The following BICRAL variants were observed in gnomAD, a reference collection of about 807,000 sequenced individuals.
BICRAL encodes the protein BICRA like chromatin remodeling complex associated protein, also known as BRD4-interacting chromatin-remodeling complex-associated protein-like.
BICRAL carries 8 observed loss-of-function variants against 91.8 expected under a neutral mutation model. That is an observed-to-expected ratio of 0.09 (90% CI 0.05 to 0.16). The LOEUF (loss-of-function observed/expected upper bound fraction) is 0.16, where lower values mean the gene tolerates loss of function less well. Among genes scored for constraint, BICRAL ranks in the 10% least tolerant of loss-of-function variants. BICRAL has a pLI of 1.00. For synonymous variants in BICRAL, 445 were observed against 491.1 expected (o/e 0.91, Z 1.24); for missense variants, 1,038 against 1,310.9 (o/e 0.79, Z 3.21).
intron 1 of BICRAL, among the ~76,000 whole-genome samples, chr6:42,809,629 C>G (rs1285319029): frequency 6.6e-6 from 1 of 151,686 alleles, no homozygotes; most frequent in Non-Finnish European, 1.5e-5. Context: ...CCCAAGCCAC[C>G]ATGCCCAGCT....
chr6:42,845,195 GT>G lies in BICRAL; in HGVS notation c.1840-6844del, dbSNP rs748804344. On this transcript the variant is annotated intron_variant, in intron 6 of 12. Transcript: ENST00000314073. ...CTTCTCTGTTTTTTGTTTTTTGGGT[GT>G]TTTTTTTTTTTTTTTTTTTTTTTTT... Among the ~76,000 whole-genome samples the G allele has an allele frequency of 1.6e-4, 4 of 25,612 alleles. 1 individual carries two copies. Among genetic ancestry groups the G allele is most frequent in the South Asian group, 3.6e-3 (2 of 556 alleles). 16.8% of individuals were successfully genotyped at this position (25,612 alleles called of 152,430 possible). A position where few individuals can be genotyped will look rare whatever the true frequency, so the allele number is the denominator to read the frequency against.
chr6:42,853,823 T>A, intron 8 of BICRAL, 85 bp downstream of exon 8: 1 of 999,092 alleles, frequency 1.0e-6, no homozygotes. Flanking sequence ...GGTTGCTGGC[T>A]AGCTTTGTGT....
chr6:42,780,394 G>C (rs184838836), upstream of BICRAL, among the ~76,000 whole-genome samples: 2 of 152,184 alleles, frequency 1.3e-5, no homozygotes, highest in African/African-American at 4.8e-5. Flanking sequence ...TTAATCTAGA[G>C]AGAGTTTTAT....
At chr6:42,832,584 T>TGTGC (rs1764520660) in intron 6 of BICRAL, among the ~76,000 whole-genome samples, 1 of 150,800 alleles carries the variant, frequency 6.6e-6, no homozygotes, top group Non-Finnish European at 1.5e-5. Context: ...GGGGCGTGTG[T>TGTGC]GTGTGTGTGT....
intron 6 of BICRAL, among the ~76,000 whole-genome samples, chr6:42,843,814 T>A (rs898290096): frequency 6.6e-6 from 1 of 150,878 alleles, no homozygotes; most frequent in Non-Finnish European, 1.5e-5. Context: ...TTTTTTTTTT[T>A]TTTTGAGACG....
At chr6:42,841,230 C>T (rs1689313402) in intron 6 of BICRAL, among the ~76,000 whole-genome samples, 1 of 133,540 alleles carries the variant, frequency 7.5e-6, no homozygotes, top group Admixed American at 8.1e-5. Context: ...CACTTTGTCG[C>T]CAGGCTGGAG....
intron 1 of BICRAL, among the ~76,000 whole-genome samples, chr6:42,760,944 C>G (rs1195891723): frequency 6.6e-6 from 1 of 150,416 alleles, no homozygotes; most frequent in African/African-American, 2.5e-5. Flanking sequence ...ATTGCTTGAA[C>G]CTGGGAGGTG....
At chr6:42,756,848 A>G (rs1396841564) in intron 1 of BICRAL, among the ~76,000 whole-genome samples, 1 of 149,402 alleles carries the variant, frequency 6.7e-6, no homozygotes, top group Non-Finnish European at 1.5e-5. Flanking sequence ...CCATGTGCAC[A>G]TGCTTGCGCT....
chr6:42,771,488 G>A (rs1258802825), intron 1 of BICRAL, among the ~76,000 whole-genome samples: 3 of 151,606 alleles, frequency 2.0e-5, no homozygotes, highest in African/African-American at 4.9e-5. Flanking sequence ...CCCTGTGGGG[G>A]TGGCGGGGGG....
intron 6 of BICRAL, among the ~76,000 whole-genome samples, chr6:42,850,521 C>CAAA (rs35580515): frequency 7.4e-6 from 1 of 135,232 alleles, no homozygotes; most frequent in African/African-American, 2.7e-5. Flanking sequence ...CTTCATCTTT[C>CAAA]AAAAAAAAAA....
At chr6:42,814,671 A>C (rs1763934101) in intron 2 of BICRAL, among the ~76,000 whole-genome samples, 1 of 151,130 alleles carries the variant, frequency 6.6e-6, no homozygotes, top group Non-Finnish European at 1.5e-5. Flanking sequence ...GATTACAGGC[A>C]TGCGCCACCA....
At chr6:42,757,416 C>G (rs1167075166) in intron 1 of BICRAL, among the ~76,000 whole-genome samples, 2 of 152,072 alleles carry the variant, frequency 1.3e-5, no homozygotes, top group African/African-American at 2.4e-5. Flanking sequence ...AACGCCCCAG[C>G]TAATTTTTTG....
chr6:42,747,324 G>T (rs1306924833), intron 1 of BICRAL, among the ~76,000 whole-genome samples: 19 of 152,094 alleles, frequency 1.2e-4, no homozygotes, highest in Non-Finnish European at 1.5e-5. Flanking sequence ...AACCCTGCCC[G>T]CCCTTCCAAC....
chr6:42,810,050 G>A (rs1010551750), intron 1 of BICRAL, among the ~76,000 whole-genome samples: 3 of 152,198 alleles, frequency 2.0e-5, no homozygotes, highest in Non-Finnish European at 2.9e-5. Flanking sequence ...GCCTCCCAAA[G>A]TGGTGGGATT....
chr6:42,861,489 T>C (rs1765554054), intron 11 of BICRAL, among the ~76,000 whole-genome samples: 1 of 152,106 alleles, frequency 6.6e-6, no homozygotes, highest in African/African-American at 2.4e-5. Flanking sequence ...CCTCAGAAAA[T>C]GATAGAAAGA....
chr6:42,822,138 T>C, intron 3 of BICRAL, 75 bp downstream of exon 3: 1 of 804,774 alleles, frequency 1.2e-6, no homozygotes. Flanking sequence ...CCTAATAGCA[T>C]ATAACACCTG....
chr6:42,788,309 C>T (rs1763163923), intron 1 of BICRAL, among the ~76,000 whole-genome samples: 1 of 149,426 alleles, frequency 6.7e-6, no homozygotes, highest in Admixed American at 6.7e-5. Context: ...ACTGCAACCT[C>T]CACCTCTTGG....
At position 42,864,821 on chromosome 6, in the gene BICRAL, C is replaced by A; in HGVS notation, c.2615C>A (p.Pro872His). The change falls in exon 13 of 13, where the codon CCC (proline) becomes CAC (histidine). Residue 872 changes from proline to histidine, a missense_variant. By Grantham distance (77) the Pro-to-His change is moderately conservative (BLOSUM62 -2). Around this residue, in one of 5 missense-constraint regions of BICRAL, gnomAD observed 294 missense variants for 292.6 expected, o/e 1.00. Coordinates refer to ENST00000314073, the MANE Select transcript of BICRAL (RefSeq NM_001393499.1). ...RDRAKTGVTEPMNHDQFHLVP... is the reference protein window; with the variant it reads ...RDRAKTGVTEHMNHDQFHLVP... ...CGAGCCAAAACCGGTGTGACGGAAC[C>A]CATGAATCATGACCAGTTTCATCTA... 6.2e-7 allele frequency: 1 copy of A among 1,614,140 alleles called. No individual in the cohort carries two copies. Among genetic ancestry groups the A allele is most frequent in the Non-Finnish European group, 8.5e-7 (1 of 1,180,020 alleles).
chr6:42,840,277 C>G (rs1030215782), intron 6 of BICRAL, among the ~76,000 whole-genome samples: 16 of 152,220 alleles, frequency 1.1e-4, no homozygotes, highest in Admixed American at 2.0e-4. Flanking sequence ...GAGTCTCGCT[C>G]TATCACCCAG....
Sources: gnomAD v4.1 joint callset for allele counts (sites outside exome capture counted in the v4.1 genomes callset) on GRCh38, gnomAD v4.1.1 for gene constraint, gnomAD v4.1.1 regional missense constraint, MANE v1.5 for transcripts, NCBI Gene and HGNC (gene_info 2026-07-23, HGNC 2026-07-21) for gene names.